The following CREB3L1 variants were observed in gnomAD, a reference collection of about 807,000 sequenced individuals.
CREB3L1 encodes the protein cyclic AMP-responsive element-binding protein 3-like protein 1.
CREB3L1 carries 33 observed loss-of-function variants against 54.5 expected under a neutral mutation model. The ratio of observed to expected loss-of-function variants is 0.61; its 90% CI spans 0.46 to 0.81. CREB3L1 has a LOEUF of 0.81. CREB3L1 is among the 30% of genes least tolerant of loss of function. CREB3L1 has a pLI of 0.00. For synonymous variants in CREB3L1, 284 were observed against 286.4 expected, an observed-to-expected ratio of 0.99 and a Z score of 0.08; for missense variants, 656 against 673.3, an observed-to-expected ratio of 0.97 and a Z score of 0.29.
rs775355401 is a variant in CREB3L1, at chr11:46,317,447, A to G, written c.1218A>G (p.Glu406=). Reference sequence around the variant, plus strand: ...CCTCCGGCTCCCAGACTGTGAAGGAAGACCCCCTGGCCGCAGACGGCGTCT... The same window carrying G: ...CCTCCGGCTCCCAGACTGTGAAGGAGGACCCCCTGGCCGCAGACGGCGTCT... ...EFSSGSQTVK[E]DPLAADGVYT... Residue 406 remains glutamate (E), a synonymous_variant, in exon 10 of 12, where the codon GAA becomes GAG. Transcript: ENST00000621158. The G allele has an allele frequency of 1.2e-6, 2 of 1,613,124 alleles. No individual in the cohort carries two copies.
chr11:46,306,710 C>T (rs1420515518), intron 2 of CREB3L1, among the ~76,000 whole-genome samples: 2 of 151,976 alleles, frequency 1.3e-5, no homozygotes, highest in Non-Finnish European at 2.9e-5. Context: ...GCATCTAGCA[C>T]AGTAAATGTT....
At chr11:46,305,346 C>T (rs1043162975) in intron 2 of CREB3L1, among the ~76,000 whole-genome samples, 9 of 151,950 alleles carry the variant, frequency 5.9e-5, no homozygotes, top group African/African-American at 1.5e-4. Context: ...TGCTCCCCAC[C>T]GCTCCCCACC....
intron 9 of CREB3L1, 129 bp downstream of exon 9, chr11:46,316,514 G>A: frequency 1.5e-6 from 1 of 645,372 alleles, no homozygotes. Context: ...ACACCATCCT[G>A]GCGCCTGGTG....
chr11:46,299,814 T>A (rs952671726), intron 1 of CREB3L1, 121 bp from the exon 2 acceptor site: 7 of 708,694 alleles, frequency 9.9e-6, no homozygotes, highest in Non-Finnish European at 1.5e-5. Flanking sequence ...ATGGGCACAG[T>A]AATGGGAGGT....
chr11:46,316,832 ATCT>A (rs1041039625), intron 9 of CREB3L1, among the ~76,000 whole-genome samples: 2 of 151,952 alleles, frequency 1.3e-5, no homozygotes, highest in African/African-American at 4.8e-5. Context: ...TCCCTCTTCT[ATCT>A]TCTTCTGGAA....
At chr11:46,302,884 G>A (rs1374752889) in intron 2 of CREB3L1, among the ~76,000 whole-genome samples, 2 of 152,176 alleles carry the variant, frequency 1.3e-5, no homozygotes, top group Admixed American at 6.5e-5. Flanking sequence ...AGGAGGCTGA[G>A]GCAGGAGAAC....
At chr11:46,289,479 T>C (rs992243019) in intron 1 of CREB3L1, among the ~76,000 whole-genome samples, 2 of 152,194 alleles carry the variant, frequency 1.3e-5, no homozygotes, top group South Asian at 4.1e-4. Context: ...GTTCAGGGCA[T>C]GACATTAACC....
chr11:46,280,198 T>G (rs1249459551), intron 1 of CREB3L1, among the ~76,000 whole-genome samples: 2 of 117,220 alleles, frequency 1.7e-5, no homozygotes, highest in Non-Finnish European at 3.7e-5. Flanking sequence ...TTGTTTTTTG[T>G]TTTTTTTCAG....
At chr11:46,309,938 T>C in intron 3 of CREB3L1, 51 bp from the exon 4 acceptor site, 1 of 1,455,626 alleles carries the variant, frequency 6.9e-7, no homozygotes, top group Non-Finnish European at 9.5e-7. Flanking sequence ...GATGGCATGG[T>C]GGGGACAGAC....
At chr11:46,283,188 C>T (rs1939005147) in intron 1 of CREB3L1, among the ~76,000 whole-genome samples, 3 of 151,834 alleles carry the variant, frequency 2.0e-5, no homozygotes, top group South Asian at 4.2e-4. Flanking sequence ...CAGACCCTGT[C>T]TCTAAAAGTA....
chr11:46,317,423 C>T lies in CREB3L1; in HGVS notation c.1194C>T (p.Ser398=), dbSNP rs199639528. Residue 398 remains serine (S), a synonymous_variant, in exon 10 of 12, where the codon TCC becomes TCT. Coordinates refer to ENST00000621158, the MANE Select transcript of CREB3L1 (RefSeq NM_052854.4). ...GSLVPCLPEF[S]SGSQTVKEDP... ...TCGTGCCCTGCCTTCCCGAGTTCTC[C>T]TCCGGCTCCCAGACTGTGAAGGAAG... is the stretch of plus-strand genomic sequence containing the variant. The T allele has an allele frequency of 2.9e-3, 4,681 of 1,613,772 alleles. 13 individuals carry two copies. The highest frequency in any genetic ancestry group is 3.7e-3 in the Non-Finnish European group (4,398 of 1,179,882).
At chr11:46,318,014 C>T (rs1020272501) in intron 10 of CREB3L1, among the ~76,000 whole-genome samples, 3 of 152,144 alleles carry the variant, frequency 2.0e-5, no homozygotes, top group Non-Finnish European at 4.4e-5. Flanking sequence ...GTCAGGAGTT[C>T]GACGCCAGCC....
chr11:46,310,644 G>T (rs983217350), intron 4 of CREB3L1, among the ~76,000 whole-genome samples: 2 of 151,842 alleles, frequency 1.3e-5, no homozygotes, highest in Non-Finnish European at 2.9e-5. Context: ...TGAGAGAGAG[G>T]CCCCAGTCAC....
At chr11:46,307,521 A>G (rs1939416368) in intron 2 of CREB3L1, among the ~76,000 whole-genome samples, 1 of 152,192 alleles carries the variant, frequency 6.6e-6, no homozygotes, top group Non-Finnish European at 1.5e-5. Context: ...TTGCAGATGA[A>G]GAAGCTCAGG....
At chr11:46,285,288 T>C (rs368606577) in intron 1 of CREB3L1, among the ~76,000 whole-genome samples, 1 of 152,184 alleles carries the variant, frequency 6.6e-6, no homozygotes, top group Non-Finnish European at 1.5e-5. Flanking sequence ...GCTGTTTCTC[T>C]GGAAGTCTCA....
At position 46,278,364 on chromosome 11, in the gene CREB3L1, G is replaced by A. The variant is rs1231936597; in HGVS notation, c.102+151G>A. On this transcript the variant is annotated intron_variant, in intron 1 of 11. Coordinates refer to ENST00000621158, the MANE Select transcript of CREB3L1 (RefSeq NM_052854.4). The surrounding 1 kb of genome is among the most constrained non-coding windows in gnomAD (Gnocchi z 4.2). The stretch of plus-strand genomic sequence containing the variant: ...TCTCCAGGAGCGACATGTGTTTGGA[G>A]CTAAGCGCCCCTCCTGGGGGCTCAA... Among the ~76,000 whole-genome samples the A allele has an allele frequency of 6.6e-6, 1 of 152,190 alleles. No individual in the cohort carries two copies. The highest frequency in any genetic ancestry group is 1.5e-5 in the Non-Finnish European group (1 of 68,022).
chr11:46,307,654 C>A (rs1310723086), intron 2 of CREB3L1, among the ~76,000 whole-genome samples, 162 bp from the exon 3 acceptor site: 1 of 152,142 alleles, frequency 6.6e-6, no homozygotes, highest in African/African-American at 2.4e-5. Flanking sequence ...CCTCTTCTGG[C>A]CCCAGACAAC....
At chr11:46,296,065 T>G (rs1329217272) in intron 1 of CREB3L1, among the ~76,000 whole-genome samples, 1 of 152,234 alleles carries the variant, frequency 6.6e-6, no homozygotes, top group Non-Finnish European at 1.5e-5. Context: ...GCTCACCCCC[T>G]GCAGAACCCT....
intron 3 of CREB3L1, 132 bp from the exon 4 acceptor site, chr11:46,309,857 C>A (rs1044631442): frequency 7.4e-6 from 5 of 677,426 alleles, no homozygotes; most frequent in Non-Finnish European, 1.3e-5. Flanking sequence ...GCAGCTGTGC[C>A]CAGAACTCCA....
Sources: allele counts gnomAD v4.1 joint callset (sites outside exome capture counted in the v4.1 genomes callset), GRCh38; gene constraint gnomAD v4.1.1; non-coding constraint Gnocchi (gnomAD v3.1); transcripts MANE v1.5; gene names NCBI Gene and HGNC (gene_info 2026-07-23, HGNC 2026-07-21).